Variants in ROBO2 observed in about 807,000 individuals in gnomAD.
ROBO2 encodes the protein roundabout homolog 2.
A neutral mutation model predicts 160.8 loss-of-function variants in ROBO2; 53 were observed. That is an observed-to-expected ratio of 0.33 (90% CI 0.26 to 0.41). ROBO2 has a LOEUF of 0.41. Ranked by LOEUF, ROBO2 falls within the 10% of genes least tolerant of loss-of-function variation. ROBO2 has a pLI of 1.00. For missense variants in ROBO2, 1,577 were observed against 1,722.4 expected (o/e 0.92, Z 1.49); for synonymous variants, 664 against 611.7 (o/e 1.09, Z -1.26).
chr3:77,295,741 GT>G (rs2062008284), intron 2 of ROBO2, among the ~76,000 whole-genome samples: 1 of 151,508 alleles, frequency 6.6e-6, no homozygotes, highest in Non-Finnish European at 1.5e-5. Flanking sequence ...GGTTAAACGG[GT>G]AAGCTGAGGC....
Position 76,349,234 on chromosome 3 carries a change from C to CA in ROBO2, c.109+411638dup, listed in dbSNP as rs1175247115. On this transcript the variant is annotated intron_variant, in intron 2 of 26. Transcript: ENST00000487694. ...ATAATTGTGAAAATAAATATCAAAA[C>CA]AAAAAAGCACTAAAATGATAGCATA... Among the ~76,000 whole-genome samples the CA allele has an allele frequency of 4.0e-5, 6 of 151,778 alleles. No homozygotes were observed. The East Asian group carries it at 9.7e-4, about 25-fold the overall frequency.
chr3:76,119,912 C>CCCTCCCTCCCTTCCTT lies in ROBO2; in HGVS notation c.109+182317_109+182318insCCCTTCCTTCCTCCCT, dbSNP rs1553650529. Among the ~76,000 whole-genome samples the CCCTCCCTCCCTTCCTT allele has an allele frequency of 3.3e-3, 284 of 84,972 alleles. 4 individuals are homozygous for CCCTCCCTCCCTTCCTT. The highest frequency in any genetic ancestry group is 7.3e-3 in the African/African-American group (142 of 19,516). The allele number at this position is 84,972 out of a possible 152,430, so 55.7% of individuals were successfully genotyped here. A position where few individuals can be genotyped will look rare whatever the true frequency, so the allele number is the denominator to read the frequency against. ...CTTCCCTTCCTTCCCTTCCTTCCCT[C>CCCTCCCTCCCTTCCTT]CCTCCCTTCCTTCCTTCCTTCCTTC... On this transcript the variant is annotated intron_variant, in intron 2 of 26. Coordinates refer to the ROBO2 transcript ENST00000487694.
Position 77,145,553 on chromosome 3 carries a change from G to T in ROBO2, c.388+47213G>T, listed in dbSNP as rs140871886. On this transcript the variant is annotated intron_variant, in intron 2 of 25. Coordinates refer to ENST00000461745, the Ensembl canonical transcript of ROBO2. ...GTTAATATTGTTTAGGCTTTTACGT[G>T]TTTTAAAATACTCCCACATACTCTA... 3.9e-5 allele frequency among the ~76,000 whole-genome samples: 6 copies of T among 152,094 alleles called. No individual in the cohort carries two copies. In the East Asian group the frequency reaches 1.2e-3, roughly 30 times the overall value.
At chr3:76,218,975 A>G (rs1182416427) in intron 2 of ROBO2, among the ~76,000 whole-genome samples, 2 of 152,218 alleles carry the variant, frequency 1.3e-5, no homozygotes, top group African/African-American at 4.8e-5. Context: ...ATATAGATCA[A>G]TGGAACAGAA....
At chr3:77,356,330 AG>A (rs1411852776) in intron 2 of ROBO2, among the ~76,000 whole-genome samples, 10 of 140,114 alleles carry the variant, frequency 7.1e-5, no homozygotes, top group African/African-American at 3.0e-4. Context: ...TGTGTGCATG[AG>A]AGAGAGAGAG....
At chr3:76,981,885 T>C (rs2060118079) in intron 2 of ROBO2, among the ~76,000 whole-genome samples, 1 of 152,044 alleles carries the variant, frequency 6.6e-6, no homozygotes, top group African/African-American at 2.4e-5. Context: ...CAGTTTTAAA[T>C]GACCAGCTCT....
intron 2 of ROBO2, among the ~76,000 whole-genome samples, chr3:76,889,863 G>C (rs2074203664): frequency 6.6e-6 from 1 of 152,060 alleles, no homozygotes; most frequent in South Asian, 2.1e-4. Flanking sequence ...CTAGAAAAAG[G>C]TGGCATTTAA....
chr3:77,015,189 A>C (rs938728083), intron 2 of ROBO2, among the ~76,000 whole-genome samples: 1 of 152,218 alleles, frequency 6.6e-6, no homozygotes, highest in African/African-American at 2.4e-5. Context: ...CAAAAAGGCC[A>C]AAATCAATTT....
At chr3:77,170,572 C>T (rs183143535) in intron 2 of ROBO2, among the ~76,000 whole-genome samples, 41 of 152,120 alleles carry the variant, frequency 2.7e-4, no homozygotes, top group African/African-American at 9.6e-4. Context: ...TTCTCTGTGG[C>T]ACACGTCACT....
chr3:77,453,873 TA>T (rs2081352801), intron 2 of ROBO2, among the ~76,000 whole-genome samples: 1 of 152,170 alleles, frequency 6.6e-6, no homozygotes, highest in Admixed American at 6.5e-5. Context: ...TTGACCTTTT[TA>T]TAATATGAGC....
chr3:77,277,166 T>C (rs1342236805), intron 2 of ROBO2, among the ~76,000 whole-genome samples: 1 of 88,504 alleles, frequency 1.1e-5, no homozygotes, highest in Admixed American at 1.3e-4. Flanking sequence ...CCTTCTTTCT[T>C]TCTTTCTTTC....
Position 76,649,136 on chromosome 3 carries a change from T to C in ROBO2, c.110-448878T>C, listed in dbSNP as rs538036991. The stretch of plus-strand genomic sequence containing the variant: ...GGTTTTTTTAATCAGAAAATAACTT[T>C]GGAAGCAGAAAAATGTGGCTCAATT... On this transcript the variant is annotated intron_variant, in intron 2 of 26. Coordinates refer to the ROBO2 transcript ENST00000487694. Among the ~76,000 whole-genome samples the C allele has an allele frequency of 2.0e-5, 3 of 152,268 alleles. No individual in the cohort carries two copies. The South Asian group carries it at 6.2e-4, about 32-fold the overall frequency.
At chr3:77,200,919 A>T (rs62251826) in intron 2 of ROBO2, among the ~76,000 whole-genome samples, 5,822 of 152,252 alleles carry the variant, frequency 0.038, 148 homozygotes, top group African/African-American at 0.064. Context: ...CAGGCAATGC[A>T]TAAGTACACA....
At chr3:76,775,636 A>G (rs13100416) in intron 2 of ROBO2, among the ~76,000 whole-genome samples, 48,204 of 150,476 alleles carry the variant, frequency 0.32, 9,326 homozygotes, top group Non-Finnish European at 0.43. Context: ...CTTTAGAATC[A>G]ATTCAACTTA....
intron 2 of ROBO2, among the ~76,000 whole-genome samples, chr3:76,224,036 C>T (rs993970850): frequency 1.3e-5 from 2 of 152,160 alleles, no homozygotes; most frequent in African/African-American, 2.4e-5. Flanking sequence ...TAGAGAGTCA[C>T]ATCCAGAAGC....
chr3:76,218,370 A>G (rs980225256), intron 2 of ROBO2, among the ~76,000 whole-genome samples: 2 of 152,192 alleles, frequency 1.3e-5, no homozygotes, highest in African/African-American at 2.4e-5. Flanking sequence ...AGGAAGTCAA[A>G]TTGTCCCTGT....
intron 2 of ROBO2, among the ~76,000 whole-genome samples, chr3:76,897,530 G>T (rs867610777): frequency 2.6e-5 from 4 of 152,052 alleles, no homozygotes; most frequent in African/African-American, 9.7e-5. Context: ...TGCAGACACC[G>T]TAAACCAACC....
At chr3:76,736,636 T>A (rs1464025099) in intron 2 of ROBO2, among the ~76,000 whole-genome samples, 2 of 152,044 alleles carry the variant, frequency 1.3e-5, no homozygotes, top group African/African-American at 2.4e-5. Flanking sequence ...TAAATAGAAG[T>A]ATAGATTTAA....
intron 2 of ROBO2, among the ~76,000 whole-genome samples, chr3:76,960,632 C>T (rs1486955823): frequency 6.6e-6 from 1 of 152,062 alleles, no homozygotes; most frequent in African/African-American, 2.4e-5. Flanking sequence ...TCACACCAAA[C>T]TGAAGTCAAC....
Sources: allele counts gnomAD v4.1 joint callset (sites outside exome capture counted in the v4.1 genomes callset), GRCh38; gene constraint gnomAD v4.1.1; transcripts MANE v1.5; gene names NCBI Gene and HGNC (gene_info 2026-07-23, HGNC 2026-07-21).